ZFAND3: variants seen among roughly 807,000 people sequenced by gnomAD.
ZFAND3 encodes the protein AN1-type zinc finger protein 3.
A neutral mutation model predicts 29.6 loss-of-function variants in ZFAND3; 10 were observed. That is an observed-to-expected ratio of 0.34 (90% CI 0.21 to 0.57). ZFAND3 has a LOEUF of 0.57. Among genes scored for constraint, ZFAND3 ranks in the 20% least tolerant of loss-of-function variants. The pLI, the probability that ZFAND3 is intolerant of heterozygous loss-of-function variation, is 0.86. For synonymous variants in ZFAND3, 128 were observed against 112.6 expected, an observed-to-expected ratio of 1.14 and a Z score of -0.87; for missense variants, 230 against 304.5, an observed-to-expected ratio of 0.76 and a Z score of 1.82.
chr6:37,928,407 A>G (rs949133684), intron 1 of ZFAND3, among the ~76,000 whole-genome samples: 3 of 152,222 alleles, frequency 2.0e-5, no homozygotes, highest in African/African-American at 7.2e-5. Flanking sequence ...TGCCTAACGT[A>G]GAGCACTCCA....
intron 2 of ZFAND3, among the ~76,000 whole-genome samples, chr6:37,951,890 T>C (rs762504904): frequency 6.6e-6 from 1 of 152,230 alleles, no homozygotes; most frequent in South Asian, 2.1e-4. Context: ...GTTGAAGGTT[T>C]TTAACACGAA....
chr6:37,989,354 A>T (rs563273809), intron 2 of ZFAND3, among the ~76,000 whole-genome samples: 2 of 152,226 alleles, frequency 1.3e-5, no homozygotes, highest in Admixed American at 6.5e-5. Flanking sequence ...GAAGGCTGGG[A>T]AGTCCAAGAT....
intron 2 of ZFAND3, among the ~76,000 whole-genome samples, chr6:38,005,491 G>A (rs930858262): frequency 7.2e-5 from 11 of 152,136 alleles, no homozygotes; most frequent in Non-Finnish European, 1.5e-4. Flanking sequence ...GACTTTTCTA[G>A]ATCAGAATCA....
intron 1 of ZFAND3, among the ~76,000 whole-genome samples, chr6:37,899,830 G>A (rs1765286438): frequency 6.6e-6 from 1 of 152,118 alleles, no homozygotes; most frequent in Non-Finnish European, 1.5e-5. Flanking sequence ...CCATTACCCC[G>A]AGGGCAACCT....
chr6:37,846,789 G>A (rs1474366919), intron 1 of ZFAND3, among the ~76,000 whole-genome samples: 1 of 149,922 alleles, frequency 6.7e-6, no homozygotes, highest in African/African-American at 2.5e-5. Flanking sequence ...TCGGCTCACT[G>A]CAACCTCCGC....
intron 5 of ZFAND3, among the ~76,000 whole-genome samples, chr6:38,120,941 A>G (rs539992395): frequency 1.6e-4 from 25 of 152,128 alleles, no homozygotes; most frequent in Non-Finnish European, 3.2e-4. Flanking sequence ...TGTCAAACCA[A>G]ATTCATCAAG....
In ZFAND3 at chr6:37,838,620, C is replaced by T. The variant is rs139120359; in HGVS notation, c.71+18604C>T. ...GTCCGGCTTCTTTGACTTAGCATAA[C>T]GTTTTCAAGGTTCTTCCATGTTGTA... On this transcript the variant is annotated intron_variant, in intron 1 of 5. Coordinates refer to ENST00000287218, the MANE Select transcript of ZFAND3 (RefSeq NM_021943.3). Among the ~76,000 whole-genome samples, 563 of 152,284 alleles carry T rather than the reference C, an allele frequency of 3.7e-3. 2 individuals carry two copies. Among genetic ancestry groups the T allele is most frequent in the Middle Eastern group, 0.014 (4 of 294 alleles).
chr6:37,865,332 A>G (rs1764570455), intron 1 of ZFAND3, among the ~76,000 whole-genome samples: 1 of 152,218 alleles, frequency 6.6e-6, no homozygotes, highest in African/African-American at 2.4e-5. Context: ...AATAATGACA[A>G]GAAAAAAGAT....
intron 1 of ZFAND3, among the ~76,000 whole-genome samples, chr6:37,854,435 A>G (rs761560406): frequency 6.6e-6 from 1 of 152,216 alleles, no homozygotes. Context: ...TTATAGCTCA[A>G]GTCCCTTTAC....
At chr6:38,030,792 C>T (rs1763544669) in intron 2 of ZFAND3, among the ~76,000 whole-genome samples, 2 of 151,954 alleles carry the variant, frequency 1.3e-5, no homozygotes, top group South Asian at 4.1e-4. Flanking sequence ...AAGAAAAAAA[C>T]TTCATGGGGG....
intron 2 of ZFAND3, among the ~76,000 whole-genome samples, chr6:37,970,338 A>G (rs1273314048): frequency 6.6e-6 from 1 of 152,186 alleles, no homozygotes; most frequent in African/African-American, 2.4e-5. Context: ...TTATGCTTGC[A>G]GTTTTTGAAA....
chr6:38,074,806 A>G (rs888936076), intron 3 of ZFAND3, among the ~76,000 whole-genome samples: 1 of 152,230 alleles, frequency 6.6e-6, no homozygotes, highest in Non-Finnish European at 1.5e-5. Flanking sequence ...TTAGGGGCTA[A>G]TGTAGCTGGT....
At chr6:38,008,642 C>A (rs572706238) in intron 2 of ZFAND3, among the ~76,000 whole-genome samples, 1 of 152,176 alleles carries the variant, frequency 6.6e-6, no homozygotes, top group South Asian at 2.1e-4. Context: ...TTCTATCTCC[C>A]CCTCCACCAC....
chr6:38,028,965 G>T (rs1763498537), intron 2 of ZFAND3, among the ~76,000 whole-genome samples: 1 of 152,122 alleles, frequency 6.6e-6, no homozygotes, highest in Non-Finnish European at 1.5e-5. Context: ...TTTCAGTGAG[G>T]TTGACCTTGT....
chr6:38,005,135 A>G (rs1763026869), intron 2 of ZFAND3, among the ~76,000 whole-genome samples: 1 of 152,218 alleles, frequency 6.6e-6, no homozygotes, highest in African/African-American at 2.4e-5. Flanking sequence ...GAGTCTGCTC[A>G]GCAGATTTGC....
At chr6:38,119,220 G>A (rs1384889831) in intron 5 of ZFAND3, among the ~76,000 whole-genome samples, 1 of 152,124 alleles carries the variant, frequency 6.6e-6, no homozygotes, top group African/African-American at 2.4e-5. Context: ...GAGCTCTTGT[G>A]TTCCTCCTGC....
At chr6:37,917,145 A>G (rs546309584) in intron 1 of ZFAND3, among the ~76,000 whole-genome samples, 3 of 152,388 alleles carry the variant, frequency 2.0e-5, no homozygotes, top group Non-Finnish European at 4.4e-5. Flanking sequence ...AACACAGTAT[A>G]TATAGAGTTC....
In ZFAND3 at chr6:37,962,456, C is replaced by A. The variant is rs576060280; in HGVS notation, c.112+32457C>A. ...TCAAATGGCAGGAAACCTTACAAAC[C>A]TAGAGAAAACTATCAATATCCAAGT... On this transcript the variant is annotated intron_variant, in intron 2 of 5. Transcript: ENST00000287218. Among the ~76,000 whole-genome samples, 203 of 152,258 alleles carry A rather than the reference C, an allele frequency of 1.3e-3. 1 individual carries two copies. Among genetic ancestry groups the A allele is most frequent in the African/African-American group, 4.7e-3 (197 of 41,544 alleles).
At chr6:38,036,275 A>G (rs1460996599) in intron 2 of ZFAND3, among the ~76,000 whole-genome samples, 1 of 152,220 alleles carries the variant, frequency 6.6e-6, no homozygotes, top group Non-Finnish European at 1.5e-5. Flanking sequence ...AGATAAAAAC[A>G]AGGAAAAAAA....
Sources: allele counts gnomAD v4.1 joint callset (sites outside exome capture counted in the v4.1 genomes callset), GRCh38; gene constraint gnomAD v4.1.1; transcripts MANE v1.5; gene names NCBI Gene and HGNC (gene_info 2026-07-23, HGNC 2026-07-21).